Variants in MX2 observed in about 807,000 individuals in gnomAD.
MX2 encodes the protein interferon-induced GTP-binding protein Mx2.
Under a neutral mutation model 74.0 loss-of-function variants are expected in MX2, and 51 were observed. The observed-to-expected ratio is 0.69, with a 90% CI of 0.55 to 0.87. The LOEUF (loss-of-function observed/expected upper bound fraction) is 0.87, where lower values mean the gene tolerates loss of function less well. Among genes scored for constraint, MX2 ranks in the 40% least tolerant of loss-of-function variants. The pLI is 0.00. For synonymous variants in MX2, 369 were observed against 339.3 expected (o/e 1.09, Z -0.96); for missense variants, 832 against 908.7 (o/e 0.92, Z 1.09).
At chr21:41,395,906 T>G in intron 7 of MX2, 121 bp downstream of exon 7, 1 of 924,080 alleles carries the variant, frequency 1.1e-6, no homozygotes, top group East Asian at 2.6e-5. Flanking sequence ...TAACCTAGCC[T>G]CACCTGATTT....
chr21:41,406,691 C>A, intron 12 of MX2, 53 bp from the exon 13 acceptor site: 1 of 1,562,710 alleles, frequency 6.4e-7, no homozygotes, highest in Non-Finnish European at 8.7e-7. Context: ...TTTGTTTAAG[C>A]CAACAGGAAA....
chr21:41,365,775 CT>C (rs2089260554), intron 1 of MX2: 1 of 152,164 alleles, frequency 6.6e-6, no homozygotes, highest in Non-Finnish European at 1.5e-5. Context: ...AATGGTAATC[CT>C]GTTTAAGTTC....
At position 41,390,651 on chromosome 21, in the gene MX2, G is replaced by A. The variant is rs764190794; in HGVS notation, c.819G>A (p.Thr273=). The A allele has an allele frequency of 4.4e-5, 71 of 1,614,060 alleles. No individual in the cohort carries two copies. The highest frequency in any genetic ancestry group is 5.7e-5 in the Non-Finnish European group (67 of 1,180,040). The part of the protein sequence containing the change: ...VVPCNVDIAT[T]EALSMAHEVD... ...CCTGTAACGTGGACATTGCCACCACGGAGGCGCTGAGCATGGCCCATGAGG... is the reference window on the plus strand; with the variant it reads ...CCTGTAACGTGGACATTGCCACCACAGAGGCGCTGAGCATGGCCCATGAGG... Residue 273 remains threonine (T), a synonymous_variant, in exon 6 of 14, where the codon ACG becomes ACA. Transcript: ENST00000330714.
chr21:41,398,588 G>C (rs1173039160), intron 8 of MX2, among the ~76,000 whole-genome samples: 1 of 152,138 alleles, frequency 6.6e-6, no homozygotes, highest in Non-Finnish European at 1.5e-5. Flanking sequence ...ATGCTAAATT[G>C]TATATCAGAC....
Position 41,382,568 on chromosome 21 carries a change from A to G in MX2, c.732+4A>G. The G allele has an allele frequency of 1.2e-6, 2 of 1,614,044 alleles. No individual in the cohort carries two copies. Among genetic ancestry groups the G allele is most frequent in the Non-Finnish European group, 1.7e-6 (2 of 1,179,996 alleles). ...GCCCCGAGACATCGGACTGCAGGTG[A>G]GCCCTTCTGGAATTTGGGATTGGGC... On this transcript the variant is annotated splice_donor_region_variant and intron_variant, in intron 5 of 13. Transcript: ENST00000330714.
In MX2 at chr21:41,390,656, C is replaced by T. The variant is rs572598123; in HGVS notation, c.824C>T (p.Ala275Val). 24 of 1,614,132 alleles carry T rather than the reference C, an allele frequency of 1.5e-5. No homozygotes were observed. Among genetic ancestry groups the T allele is most frequent in the East Asian group, 2.2e-5 (1 of 44,886 alleles). Residue 275 changes from alanine to valine, a missense_variant, in exon 6 of 14, where the codon GCG becomes GTG. Physicochemically the swap from Ala to Val is moderately conservative, Grantham distance 64. Transcript: ENST00000330714. ...AACGTGGACATTGCCACCACGGAGGCGCTGAGCATGGCCCATGAGGTGGAC... is the reference window on the plus strand; with the variant it reads ...AACGTGGACATTGCCACCACGGAGGTGCTGAGCATGGCCCATGAGGTGGAC... ...PCNVDIATTE[A>V]LSMAHEVDPE...
At chr21:41,362,750 C>CTTTTTTTTTTTTTTTTT (rs56903696) in intron 1 of MX2, among the ~76,000 whole-genome samples, 1 of 82,156 alleles carries the variant, frequency 1.2e-5, no homozygotes. Flanking sequence ...GTTTTTTTTT[C>CTTTTTTTTTTTTTTTTT]TTTTTTTTTT....
intron 4 of MX2, among the ~76,000 whole-genome samples, chr21:41,381,684 C>CAAAAAAAAAAAAAAAA (rs57350601): frequency 5.1e-5 from 3 of 58,444 alleles, no homozygotes; most frequent in African/African-American, 1.7e-4. Flanking sequence ...GACTCTGTCT[C>CAAAAAAAAAAAAAAAA]AAAAAAAAAA....
In MX2 at chr21:41,408,313, T is replaced by A; in HGVS notation, c.*80T>A. ...AGTCGGTGCAGGATGCCGCTTCTGC[T>A]TTGGGGCCAAACTCTTCTGTCACTA... On this transcript the variant is annotated 3_prime_UTR_variant, in exon 14 of 14. Transcript: ENST00000330714. The A allele has an allele frequency of 6.4e-7, 1 of 1,551,050 alleles. No homozygotes were observed. Among genetic ancestry groups the A allele is most frequent in the Non-Finnish European group, 8.7e-7 (1 of 1,147,334 alleles).
At chr21:41,370,384 CA>C (rs1267757838) in intron 1 of MX2, 1 of 152,248 alleles carries the variant, frequency 6.6e-6, no homozygotes, top group African/African-American at 2.4e-5. Context: ...CATGGGGGTG[CA>C]TTGGCACCAT....
chr21:41,399,128 C>A (rs950236431), intron 9 of MX2, 68 bp from the exon 10 acceptor site: 82 of 1,596,810 alleles, frequency 5.1e-5, no homozygotes, highest in Non-Finnish European at 6.3e-5. Flanking sequence ...TGGACATCTC[C>A]TTGCAACGCC....
intron 2 of MX2, 123 bp from the exon 3 acceptor site, chr21:41,377,666 C>A: frequency 9.8e-7 from 1 of 1,019,932 alleles, no homozygotes; most frequent in Non-Finnish European, 1.4e-6. Flanking sequence ...CTCCATCCAC[C>A]TTCTCACCTC....
At chr21:41,390,847 T>TA in intron 6 of MX2, 144 bp downstream of exon 6, 1 of 895,820 alleles carries the variant, frequency 1.1e-6, no homozygotes, top group Non-Finnish European at 1.6e-6. Flanking sequence ...CCACTAAAAA[T>TA]ACAAAAAAAT....
At chr21:41,403,195 T>C in intron 11 of MX2, 72 bp from the exon 12 acceptor site, 1 of 1,269,982 alleles carries the variant, frequency 7.9e-7, no homozygotes, top group Non-Finnish European at 1.1e-6. Context: ...CCTGTGTCTT[T>C]AACCAGTTTT....
intron 12 of MX2, chr21:41,404,873 CAAAAAAAAAA>C (rs547207365): frequency 5.8e-5 from 4 of 69,092 alleles, no homozygotes; most frequent in Admixed American, 4.5e-4. Context: ...CACATATACT[CAAAAAAAAAA>C]AAAAAAAAGA....
At position 41,401,956 on chromosome 21, in the gene MX2, G is replaced by A; in HGVS notation, c.1415-14G>A. On this transcript the variant is annotated splice_polypyrimidine_tract_variant and intron_variant, in intron 10 of 13. Coordinates refer to ENST00000330714, the MANE Select transcript of MX2 (RefSeq NM_002463.2). ...TTAGCAGAATTCACCATGGAGGTCT[G>A]TTTGATGTTGCAGTTAAAAATATTA... is the stretch of plus-strand genomic sequence containing the variant. 1 of 1,610,606 alleles carries A rather than the reference G, an allele frequency of 6.2e-7. No individual in the cohort carries two copies. Among genetic ancestry groups the A allele is most frequent in the Non-Finnish European group, 8.5e-7 (1 of 1,178,278 alleles).
At chr21:41,381,533 A>C (rs1028217713) in intron 4 of MX2, among the ~76,000 whole-genome samples, 14 of 151,940 alleles carry the variant, frequency 9.2e-5, no homozygotes, top group African/African-American at 3.4e-4. Flanking sequence ...AAAATACAAA[A>C]AATTAGCCGG....
At chr21:41,403,042 C>T (rs2089834371) in intron 11 of MX2, 18 of 502,578 alleles carry the variant, frequency 3.6e-5, no homozygotes, top group Non-Finnish European at 5.4e-5. Context: ...CACACAGGCA[C>T]GGGAAATGGA....
intron 13 of MX2, among the ~76,000 whole-genome samples, 183 bp downstream of exon 13, chr21:41,407,181 T>G (rs983423440): frequency 4.6e-5 from 7 of 152,216 alleles, no homozygotes; most frequent in African/African-American, 1.7e-4. Context: ...ATGAACCCTA[T>G]GAAGGCACTT....
Sources: gnomAD v4.1 joint callset for allele counts (sites outside exome capture counted in the v4.1 genomes callset) on GRCh38, gnomAD v4.1.1 for gene constraint, MANE v1.5 for transcripts, NCBI Gene and HGNC (gene_info 2026-07-23, HGNC 2026-07-21) for gene names.